The following PPM1B variants were observed in gnomAD, a reference collection of about 807,000 sequenced individuals.
The protein encoded by PPM1B is protein phosphatase 1B.
PPM1B carries 22 observed loss-of-function variants against 43.0 expected under a neutral mutation model. The ratio of observed to expected loss-of-function variants is 0.51; its 90% confidence interval spans 0.37 to 0.73. The LOEUF (loss-of-function observed/expected upper bound fraction) is 0.73. Among genes scored for constraint, PPM1B ranks in the 30% least tolerant of loss-of-function variants. The pLI is 0.00. For synonymous variants in PPM1B, 217 were observed against 197.9 expected, an observed-to-expected ratio of 1.10 and a Z score of -0.81; for missense variants, 632 against 584.2, an observed-to-expected ratio of 1.08 and a Z score of -0.84.
At chr2:44,228,973 G>A (rs1429618356) in intron 5 of PPM1B, among the ~76,000 whole-genome samples, 1 of 151,934 alleles carries the variant, frequency 6.6e-6, no homozygotes, top group Non-Finnish European at 1.5e-5. Flanking sequence ...ACCTGAGGTT[G>A]GGAGTTCGAG....
At chr2:44,179,812 C>G (rs1275300069) in intron 1 of PPM1B, among the ~76,000 whole-genome samples, 1 of 151,950 alleles carries the variant, frequency 6.6e-6, no homozygotes, top group African/African-American at 2.4e-5. Flanking sequence ...AGTTCAAGAC[C>G]AGCCTGGTCA....
chr2:44,218,582 T>C, intron 5 of PPM1B, 45 bp downstream of exon 5: 2 of 1,300,012 alleles, frequency 1.5e-6, no homozygotes, highest in East Asian at 4.7e-5. Context: ...AATTTCACAA[T>C]ATAAATACTA....
chr2:44,198,447 C>T (rs942813101), intron 1 of PPM1B, among the ~76,000 whole-genome samples: 3 of 152,216 alleles, frequency 2.0e-5, no homozygotes, highest in Non-Finnish European at 4.4e-5. Flanking sequence ...AGGCATGAGC[C>T]ACCGCACCCA....
chr2:44,218,636 G>C, intron 5 of PPM1B, 99 bp downstream of exon 5: 1 of 824,782 alleles, frequency 1.2e-6, no homozygotes, highest in Non-Finnish European at 1.9e-6. Context: ...ATAAATTATA[G>C]TCTGTAGTAA....
chr2:44,241,944 C>T lies in PPM1B; in HGVS notation n.1547-2284C>T, dbSNP rs551654019. On this transcript the variant is annotated intron_variant and non_coding_transcript_variant, in intron 5 of 5. Transcript: ENST00000378540. Reference sequence around the variant, plus strand: ...CGCGATCTCAGCTCACTGCGAGCTCCGCCTCCCAGGTTCACGCCATTCTCC... The same window carrying T: ...CGCGATCTCAGCTCACTGCGAGCTCTGCCTCCCAGGTTCACGCCATTCTCC... Among the ~76,000 whole-genome samples, 15 of 140,248 alleles carry T rather than the reference C, an allele frequency of 1.1e-4. No individual in the cohort carries two copies. The South Asian group carries it at 1.6e-3, about 15-fold the overall frequency. The allele number at this position is 140,248 out of a possible 152,430, so 92.0% of individuals were successfully genotyped here. A position where few individuals can be genotyped will look rare whatever the true frequency, so the allele number is the denominator to read the frequency against.
rs1473289066 is a variant in PPM1B at position 44,230,774 on chromosome 2, T to C, written c.*56T>C. On this transcript the variant is annotated 3_prime_UTR_variant, in exon 6 of 6. Coordinates refer to ENST00000282412, the MANE Select transcript of PPM1B (RefSeq NM_002706.6). ...TTGATGGTTTTTAACCTAGGAAGTG[T>C]AATGTATGCATTTATATAACTGTTT... The C allele has an allele frequency of 1.9e-6, 3 of 1,554,900 alleles. No homozygotes were observed. Among genetic ancestry groups the C allele is most frequent in the Non-Finnish European group, 2.6e-6 (3 of 1,150,326 alleles).
chr2:44,242,021 G>C (rs1208311188), intron 5 of PPM1B, among the ~76,000 whole-genome samples: 1 of 151,768 alleles, frequency 6.6e-6, no homozygotes, highest in Non-Finnish European at 1.5e-5. Flanking sequence ...ACCACGCCCG[G>C]CTAATTTTTT....
chr2:44,188,643 G>C (rs1668244200), intron 1 of PPM1B, among the ~76,000 whole-genome samples: 2 of 151,786 alleles, frequency 1.3e-5, no homozygotes, highest in African/African-American at 4.8e-5. Flanking sequence ...TGATCCTCCT[G>C]CCTCAGCCTT....
rs1167595085 is a variant in PPM1B at position 44,202,048 on chromosome 2, A to G, written c.846+3A>G. ...TAGTGGACACTTGTTTACACAAGGTATGTAAACTTTTTTGTCATTAAAATA... is the reference window on the plus strand; with the variant it reads ...TAGTGGACACTTGTTTACACAAGGTGTGTAAACTTTTTTGTCATTAAAATA... On this transcript the variant is annotated splice_donor_region_variant and intron_variant, in intron 2 of 5. Transcript: ENST00000282412. The G allele has an allele frequency of 2.6e-6, 4 of 1,516,078 alleles. No homozygotes were observed. The South Asian group carries it at 4.1e-5, about 16-fold the overall frequency. 93.9% of individuals were successfully genotyped at this position (1,516,078 alleles called of 1,614,324 possible).
At chr2:44,236,402 CAAAA>C (rs61414038), downstream of PPM1B, among the ~76,000 whole-genome samples, 1,131 of 47,474 alleles carry the variant, frequency 0.024, 20 homozygotes, top group African/African-American at 0.078. Context: ...GACTCCGTCT[CAAAA>C]AAAAAAAAAA....
intron 1 of PPM1B, among the ~76,000 whole-genome samples, chr2:44,169,971 G>T (rs952046037): frequency 6.6e-6 from 1 of 152,140 alleles, no homozygotes; most frequent in African/African-American, 2.4e-5. Context: ...GCCATATGTG[G>T]TAAATCAGTT....
chr2:44,188,834 C>G (rs921364633), intron 1 of PPM1B, among the ~76,000 whole-genome samples: 1 of 150,400 alleles, frequency 6.6e-6, no homozygotes, highest in African/African-American at 2.4e-5. Context: ...CCTCCTCCCC[C>G]TCCCGCTCTT....
chr2:44,188,726 C>CCTTT (rs1668249864), intron 1 of PPM1B, among the ~76,000 whole-genome samples: 1 of 142,534 alleles, frequency 7.0e-6, no homozygotes, highest in Non-Finnish European at 1.6e-5. Context: ...TTCCTTCCTT[C>CCTTT]CTTCCTTCCT....
rs543520554 is a variant in PPM1B at position 44,201,355 on chromosome 2, C to T, written c.156C>T (p.Asp52=). 1.2e-6 allele frequency: 2 copies of T among 1,614,084 alleles called. No homozygotes were observed. Among genetic ancestry groups the T allele is most frequent in the African/African-American group, 2.7e-5 (2 of 75,002 alleles). The change falls in exon 2 of 6, where the codon GAC becomes GAT. Residue 52 remains aspartate (D), a synonymous_variant. Coordinates refer to ENST00000282412, the MANE Select transcript of PPM1B (RefSeq NM_002706.6). This position sits in a 1 kb window ranked among gnomAD's most constrained non-coding sequence, Gnocchi z 5.4. ...TAGGTATTCCTCACGGCTTGGAAGA[C>T]TGGTCATTTTTTGCAGTTTATGATG... is the stretch of plus-strand genomic sequence containing the variant. The part of the protein sequence containing the change: ...AVVGIPHGLE[D]WSFFAVYDGH...
intron 3 of PPM1B, among the ~76,000 whole-genome samples, chr2:44,210,351 T>C (rs570711826): frequency 2.6e-5 from 4 of 151,880 alleles, no homozygotes; most frequent in Non-Finnish European, 5.9e-5. Flanking sequence ...CCCAAGTAGC[T>C]GGAACTACAG....
chr2:44,227,403 C>T (rs1350703296), intron 5 of PPM1B, among the ~76,000 whole-genome samples: 1 of 152,092 alleles, frequency 6.6e-6, no homozygotes, highest in Admixed American at 6.6e-5. Flanking sequence ...ACTCCCTACC[C>T]ATTATCATTA....
intron 1 of PPM1B, among the ~76,000 whole-genome samples, chr2:44,177,026 C>T (rs568319225): frequency 1.7e-3 from 261 of 152,248 alleles, no homozygotes; most frequent in African/African-American, 6.1e-3. Context: ...GTGATCTGCC[C>T]GCCTCAGCCT....
chr2:44,193,440 T>C (rs1466662779), intron 1 of PPM1B, among the ~76,000 whole-genome samples: 1 of 151,936 alleles, frequency 6.6e-6, no homozygotes, highest in Non-Finnish European at 1.5e-5. Context: ...GTCACTCTGT[T>C]ACCCAGGCTG....
At position 44,230,989 on chromosome 2, in the gene PPM1B, A is replaced by G. The variant is rs545037151; in HGVS notation, c.*271A>G. The stretch of plus-strand genomic sequence containing the variant: ...CTACCAATTATGAATTAAAGTCAGT[A>G]GTTAAATTAATACTAGATAGAATTA... On this transcript the variant is annotated 3_prime_UTR_variant, in exon 6 of 6. Transcript: ENST00000282412. The G allele has an allele frequency of 2.6e-5, 27 of 1,040,534 alleles. No individual in the cohort carries two copies. The South Asian group carries it at 7.4e-4, about 29-fold the overall frequency. 64.5% of individuals were successfully genotyped at this position (1,040,534 alleles called of 1,614,324 possible). A position where few individuals can be genotyped will look rare whatever the true frequency, so the allele number is the denominator to read the frequency against.
Sources: allele counts gnomAD v4.1 joint callset (sites outside exome capture counted in the v4.1 genomes callset), GRCh38; gene constraint gnomAD v4.1.1; non-coding constraint Gnocchi (gnomAD v3.1); transcripts MANE v1.5; gene names NCBI Gene and HGNC (gene_info 2026-07-23, HGNC 2026-07-21).